The following CDH10 variants were observed in gnomAD, a reference collection of about 807,000 sequenced individuals.
CDH10 encodes the protein cadherin-10.
A neutral mutation model predicts 73.1 loss-of-function variants in CDH10; 30 were observed. The observed-to-expected ratio is 0.41, with a 90% confidence interval of 0.31 to 0.56. CDH10 has a LOEUF of 0.56. Ranked by LOEUF, CDH10 falls within the 20% of genes least tolerant of loss-of-function variation. The pLI is 0.27. For synonymous variants in CDH10, 345 were observed against 348.2 expected (o/e 0.99, Z 0.10); for missense variants, 815 against 973.7 (o/e 0.84, Z 2.17).
intron 8 of CDH10, among the ~76,000 whole-genome samples, chr5:24,502,202 G>A (rs892112249): frequency 5.3e-5 from 8 of 152,094 alleles, no homozygotes; most frequent in Admixed American, 2.0e-4. Context: ...GATTACAGGC[G>A]TGAGCCACCG....
intron 5 of CDH10, among the ~76,000 whole-genome samples, chr5:24,518,334 GAAC>G (rs1264476684): frequency 6.6e-6 from 1 of 151,824 alleles, no homozygotes; most frequent in African/African-American, 2.4e-5. Context: ...CTAAAATATA[GAAC>G]AACACATCAA....
At chr5:24,589,904 A>G (rs1022831073) in intron 2 of CDH10, among the ~76,000 whole-genome samples, 4 of 152,160 alleles carry the variant, frequency 2.6e-5, no homozygotes, top group African/African-American at 9.6e-5. Flanking sequence ...CGGAGGTAAC[A>G]TATTTCAAAA....
At chr5:24,592,611 CCTCA>C (rs1328952796) in intron 2 of CDH10, among the ~76,000 whole-genome samples, 4 of 151,754 alleles carry the variant, frequency 2.6e-5, no homozygotes, top group Non-Finnish European at 5.9e-5. Context: ...AACTAATTAT[CCTCA>C]CTAACTTTAT....
At chr5:24,513,511 C>T (rs960784978) in intron 5 of CDH10, among the ~76,000 whole-genome samples, 26 of 152,054 alleles carry the variant, frequency 1.7e-4, no homozygotes, top group Non-Finnish European at 3.1e-4. Flanking sequence ...GATTCTAGTC[C>T]CTAGAATTGG....
At chr5:24,633,833 C>A (rs907740314) in intron 1 of CDH10, among the ~76,000 whole-genome samples, 2 of 151,816 alleles carry the variant, frequency 1.3e-5, no homozygotes, top group African/African-American at 4.8e-5. Flanking sequence ...TGTTTCAATG[C>A]TTCCAAGTGC....
chr5:24,501,935 T>G (rs113742571), intron 8 of CDH10, among the ~76,000 whole-genome samples: 10 of 152,194 alleles, frequency 6.6e-5, no homozygotes, highest in African/African-American at 2.4e-4. Flanking sequence ...CCTTTTTTTT[T>G]TTAGAGGGAA....
chr5:24,540,178 G>A (rs1744098104), intron 2 of CDH10, among the ~76,000 whole-genome samples: 1 of 151,858 alleles, frequency 6.6e-6, no homozygotes, highest in South Asian at 2.1e-4. Context: ...ATTAGGATTT[G>A]TTAAGCTTAC....
chr5:24,572,935 G>GAAAAAAAAAAAAAAAAAAAAAA (rs55946839), intron 2 of CDH10, among the ~76,000 whole-genome samples: 2 of 72,094 alleles, frequency 2.8e-5, no homozygotes, highest in African/African-American at 5.5e-5. Flanking sequence ...CTTAGAAAAA[G>GAAAAAAAAAAAAAAAAAAAAAA]AAAAAAAAAA....
chr5:24,510,452 C>G (rs146197817), intron 6 of CDH10, among the ~76,000 whole-genome samples: 43 of 152,284 alleles, frequency 2.8e-4, no homozygotes, highest in African/African-American at 1.0e-3. Flanking sequence ...CAACTATTTT[C>G]TATCTCACCT....
At chr5:24,617,154 G>A (rs1250558359) in intron 1 of CDH10, among the ~76,000 whole-genome samples, 1 of 152,028 alleles carries the variant, frequency 6.6e-6, no homozygotes, top group African/African-American at 2.4e-5. Flanking sequence ...TCTTTGTTAG[G>A]GAGGTGAATC....
chr5:24,598,667 G>A (rs1048894632), intron 1 of CDH10, among the ~76,000 whole-genome samples: 1 of 151,918 alleles, frequency 6.6e-6, no homozygotes, highest in Non-Finnish European at 1.5e-5. Flanking sequence ...ACAACACAAA[G>A]GTTTGGTAGT....
At chr5:24,587,676 T>G (rs970206941) in intron 2 of CDH10, among the ~76,000 whole-genome samples, 3 of 152,188 alleles carry the variant, frequency 2.0e-5, no homozygotes, top group Non-Finnish European at 2.9e-5. Context: ...TTAATATTCT[T>G]GACTATATAT....
chr5:24,582,042 T>C (rs1350321081), intron 2 of CDH10, among the ~76,000 whole-genome samples: 1 of 152,290 alleles, frequency 6.6e-6, no homozygotes, highest in East Asian at 1.9e-4. Context: ...GAAAGTACTA[T>C]GACAACTTCT....
intron 1 of CDH10, among the ~76,000 whole-genome samples, chr5:24,608,385 T>C (rs1320250047): frequency 4.6e-5 from 7 of 152,062 alleles, no homozygotes; most frequent in African/African-American, 1.7e-4. Flanking sequence ...CTCTGGCTCC[T>C]GGGTTCAAGC....
intron 1 of CDH10, among the ~76,000 whole-genome samples, chr5:24,617,261 C>CA (rs995168484): frequency 1.1e-3 from 165 of 151,880 alleles, no homozygotes; most frequent in African/African-American, 3.5e-3. Context: ...TCACGGCAGA[C>CA]AAAAAAATGT....
intron 1 of CDH10, among the ~76,000 whole-genome samples, chr5:24,602,432 T>A (rs1043307325): frequency 6.6e-6 from 1 of 152,064 alleles, no homozygotes; most frequent in Non-Finnish European, 1.5e-5. Flanking sequence ...TCAAGCAGAG[T>A]GCTGCTCAGC....
chr5:24,584,862 CCT>C (rs1356444832), intron 2 of CDH10, among the ~76,000 whole-genome samples: 1 of 150,360 alleles, frequency 6.7e-6, no homozygotes. Context: ...TTTTTTCCCC[CCT>C]GATACAAGGT....
chr5:24,526,022 A>C (rs1743519438), intron 5 of CDH10, among the ~76,000 whole-genome samples: 1 of 152,028 alleles, frequency 6.6e-6, no homozygotes, highest in Non-Finnish European at 1.5e-5. Flanking sequence ...GTCACTCATA[A>C]ATATATTGTC....
intron 8 of CDH10, among the ~76,000 whole-genome samples, chr5:24,501,583 C>T (rs1346869565): frequency 6.6e-6 from 1 of 152,146 alleles, no homozygotes; most frequent in African/African-American, 2.4e-5. Flanking sequence ...AATGTATGTC[C>T]TAAGGTGAAG....
Sources: allele counts gnomAD v4.1 joint callset (sites outside exome capture counted in the v4.1 genomes callset), GRCh38; gene constraint gnomAD v4.1.1; transcripts MANE v1.5; gene names NCBI Gene and HGNC (gene_info 2026-07-23, HGNC 2026-07-21).